The following ARRDC2 variants were observed in gnomAD, a reference collection of about 807,000 sequenced individuals.
ARRDC2 encodes the protein arrestin domain-containing protein 2.
ARRDC2 carries 39 observed loss-of-function variants against 38.9 expected under a neutral mutation model. The ratio of observed to expected loss-of-function variants is 1.00; its 90% CI spans 0.78 to 1.31. The LOEUF is 1.31. ARRDC2 is among the 50% of genes most tolerant of loss of function. ARRDC2 has a pLI of 0.00. For synonymous variants in ARRDC2, 300 were observed against 261.9 expected (o/e 1.15, Z -1.41); for missense variants, 553 against 588.4 (o/e 0.94, Z 0.62).
rs759549270 is a variant in ARRDC2 at position 18,009,916 on chromosome 19, C to A, written c.726C>A (p.Ser242Arg). ...AGCAGAAACGGGCAGTGGTGGCCAG[C>A]CTCGCGGGCGAGCCGGTGGGCCCCG... ...ARKQKRAVVASLAGEPVGPGQ... is the reference protein window; with the variant it reads ...ARKQKRAVVARLAGEPVGPGQ... Residue 242 changes from serine (S) to arginine (R), a missense_variant, in exon 5 of 8, where the codon AGC (serine) becomes AGA (arginine). Coordinates refer to ENST00000222250, the MANE Select transcript of ARRDC2 (RefSeq NM_015683.2). The A allele has an allele frequency of 6.2e-7, 1 of 1,606,428 alleles. No individual in the cohort carries two copies. The highest frequency in any genetic ancestry group is 1.1e-5 in the South Asian group (1 of 90,998).
chr19:18,008,067 T>A, upstream of ARRDC2: 1 of 1,127,416 alleles, frequency 8.9e-7, no homozygotes, highest in Non-Finnish European at 1.2e-6. Flanking sequence ...GCCACGCCCC[T>A]TGTCGCGCTA....
exon 1 of ARRDC2, chr19:18,001,178 G>A (rs1282954355): frequency 9.2e-6 from 9 of 977,220 alleles, no homozygotes; most frequent in Non-Finnish European, 1.1e-5. Flanking sequence ...ACCGGCGCCG[G>A]CCCAAGTTCG....
At chr19:18,008,940 T>G (rs2033343994) in intron 2 of ARRDC2, 31 bp from the exon 3 acceptor site, 3 of 1,611,640 alleles carry the variant, frequency 1.9e-6, no homozygotes, top group African/African-American at 1.3e-5. Context: ...CTCTGTATCT[T>G]GTCCCCTGAA....
At chr19:18,010,544 C>T (rs1343343632) in intron 6 of ARRDC2, 28 bp from the exon 7 acceptor site, 2 of 1,611,288 alleles carry the variant, frequency 1.2e-6, no homozygotes, top group Admixed American at 3.3e-5. Context: ...CTCCTGCCAA[C>T]CTCACCCACC....
At position 18,001,541 on chromosome 19, in the gene ARRDC2, C is replaced by A. The variant is rs759759107; in HGVS notation, c.227C>A (p.Thr76Asn). ...TCCAGCGACTACGCGGCCGCGGAGA[C>A]CTACCTGCGGCGTCGGCAGCTGCTG... Residue 76 changes from threonine to asparagine, a missense_variant, in exon 1 of 8, where the codon ACC becomes AAC. Physicochemically the swap from Thr to Asn is moderately conservative, Grantham distance 65. Coordinates refer to the ARRDC2 transcript ENST00000379656. 3.2e-4 allele frequency: 442 copies of A among 1,384,972 alleles called. 2 individuals are homozygous for A. Among genetic ancestry groups the A allele is most frequent in the Admixed American group, 2.1e-4 (7 of 33,322 alleles). 85.8% of individuals were successfully genotyped at this position (1,384,972 alleles called of 1,614,324 possible).
At chr19:18,010,158 G>C in intron 5 of ARRDC2, 38 bp from the exon 6 acceptor site, 1 of 1,606,848 alleles carries the variant, frequency 6.2e-7, no homozygotes, top group Non-Finnish European at 8.5e-7. Flanking sequence ...GGTTGGGGAG[G>C]CTGCCTGGGC....
At chr19:18,007,533 A>T (rs2033304001), upstream of ARRDC2, 2 of 152,346 alleles carry the variant, frequency 1.3e-5, no homozygotes, top group Non-Finnish European at 2.9e-5. Flanking sequence ...CTGCACGATG[A>T]TCCATGCACA....
At chr19:18,009,553 A>G in intron 3 of ARRDC2, 39 bp from the exon 4 acceptor site, 1 of 1,548,022 alleles carries the variant, frequency 6.5e-7, no homozygotes, top group Non-Finnish European at 8.8e-7. Context: ...TGGTTTGCAC[A>G]AAGTGACTCA....
Position 18,010,681 on chromosome 19 carries a change from C to T in ARRDC2, c.1122C>T (p.Phe374=), listed in dbSNP as rs766515981. The change falls in exon 7 of 8, where the codon TTC becomes TTT. Residue 374 remains phenylalanine, a synonymous_variant. Transcript: ENST00000222250. ...ACATGAGCCTTGAAGGCCCGTTCTT[C>T]GCCTACATCCAAGAGTTCCGCTACC... ...DPDMSLEGPF[F]AYIQEFRYRP... is the part of the protein sequence containing the mutation. 58 of 1,613,728 alleles carry T rather than the reference C, an allele frequency of 3.6e-5. No individual in the cohort carries two copies. Among genetic ancestry groups the T allele is most frequent in the South Asian group, 2.3e-4 (21 of 91,088 alleles).
At chr19:18,009,200 A>T in intron 3 of ARRDC2, 82 bp downstream of exon 3, 1 of 1,515,956 alleles carries the variant, frequency 6.6e-7, no homozygotes, top group East Asian at 2.4e-5. Context: ...CCAACCAATA[A>T]GATGGAGGTC....
intron 3 of ARRDC2, 21 bp from the exon 4 acceptor site, chr19:18,009,571 C>T (rs1463538937): frequency 3.2e-6 from 5 of 1,572,928 alleles, no homozygotes; most frequent in East Asian, 4.5e-5. Context: ...TCATCCATGT[C>T]ACTTTCCTCT....
In ARRDC2 at chr19:18,009,801, T is replaced by C. The variant is rs140467430; in HGVS notation, c.611T>C (p.Phe204Ser). Residue 204 changes from phenylalanine (F) to serine (S), a missense_variant, in exon 5 of 8, where the codon TTT becomes TCT. Phe to Ser is a radical substitution (Grantham distance 155). This residue lies in a region of ARRDC2 where 447 missense variants were observed against 456.6 expected (regional missense o/e 0.98). Coordinates refer to ENST00000222250, the MANE Select transcript of ARRDC2 (RefSeq NM_015683.2). The part of the protein sequence containing the change: ...GYTPGEVIPV[F>S]AEIDNGSTRP... ...GCTGCAGGAGAGGTCATCCCTGTCT[T>C]TGCCGAGATCGACAACGGCTCCACA... 1.0e-4 allele frequency: 167 copies of C among 1,612,528 alleles called. No individual in the cohort carries two copies. Among genetic ancestry groups the C allele is most frequent in the Non-Finnish European group, 1.4e-4 (160 of 1,179,870 alleles).
upstream of ARRDC2, chr19:18,007,727 AGCG>A (rs2033307744): frequency 6.3e-6 from 1 of 157,670 alleles, no homozygotes; most frequent in East Asian, 1.9e-4. Context: ...CCCTTTGCAT[AGCG>A]GGGGAAACAG....
At position 18,010,698 on chromosome 19, in the gene ARRDC2, TC is replaced by T. The variant is rs773863641; in HGVS notation, c.1141del (p.Arg381AlafsTer20). The T allele has an allele frequency of 6.2e-7, 1 of 1,613,736 alleles. No individual in the cohort carries two copies. Among genetic ancestry groups the T allele is most frequent in the East Asian group, 2.2e-5 (1 of 44,872 alleles). On this transcript the variant is annotated frameshift_variant, in exon 7 of 8. Coordinates refer to ENST00000222250, the MANE Select transcript of ARRDC2 (RefSeq NM_015683.2). LOFTEE classifies it high-confidence loss of function. Reference sequence around the variant, plus strand: ...CCGTTCTTCGCCTACATCCAAGAGTTCCGCTACCGCCCGCCACCCCTGTACT... The same window carrying T: ...CCGTTCTTCGCCTACATCCAAGAGTTCGCTACCGCCCGCCACCCCTGTACT... The part of the protein sequence containing the change: ...EGPFFAYIQE[F>X]RYRPPPLYSE...
chr19:18,010,077 A>G (rs1298176451), intron 5 of ARRDC2, 38 bp downstream of exon 5: 10 of 1,605,118 alleles, frequency 6.2e-6, no homozygotes, highest in African/African-American at 1.3e-5. Context: ...CAGTGCCTAC[A>G]TTCACCCTGT....
intron 3 of ARRDC2, 89 bp downstream of exon 3, chr19:18,009,207 G>T: frequency 6.8e-7 from 1 of 1,468,100 alleles, no homozygotes; most frequent in African/African-American, 1.4e-5. Context: ...ATAAGATGGA[G>T]GTCATAGGTG....
upstream of ARRDC2, among the ~76,000 whole-genome samples, chr19:18,005,621 C>T (rs1461821215): frequency 4.6e-4 from 68 of 148,768 alleles, no homozygotes; most frequent in Non-Finnish European, 7.6e-4. Flanking sequence ...GGGTGGGGGG[C>T]TGACCCCCCG....
At chr19:18,011,956 T>A (rs200827670) in intron 7 of ARRDC2, among the ~76,000 whole-genome samples, 3,612 of 66,070 alleles carry the variant, frequency 0.055, 45 homozygotes, top group East Asian at 0.16. Context: ...ATATATATTT[T>A]TTTTTTTTTT....
upstream of ARRDC2, among the ~76,000 whole-genome samples, chr19:18,004,543 G>A (rs555621737): frequency 1.4e-3 from 214 of 148,882 alleles, no homozygotes; most frequent in African/African-American, 4.6e-3. Context: ...CACCGCGCCC[G>A]GCCAAGGTGG....
Sources: gnomAD v4.1 joint callset for allele counts (sites outside exome capture counted in the v4.1 genomes callset) on GRCh38, gnomAD v4.1.1 for gene constraint, gnomAD v4.1.1 regional missense constraint, MANE v1.5 for transcripts, NCBI Gene and HGNC (gene_info 2026-07-23, HGNC 2026-07-21) for gene names.